DPP6: variants seen among roughly 807,000 people sequenced by gnomAD.
DPP6 encodes the protein A-type potassium channel modulatory protein DPP6.
DPP6 carries 69 observed loss-of-function variants against 122.6 expected under a neutral mutation model. The ratio of observed to expected loss-of-function variants is 0.56; its 90% CI spans 0.46 to 0.69. The LOEUF (loss-of-function observed/expected upper bound fraction) is 0.69. DPP6 is among the 30% of genes least tolerant of loss of function. DPP6 has a pLI of 0.00. For missense variants in DPP6, 928 were observed against 1,116.9 expected, an observed-to-expected ratio of 0.83 and a Z score of 2.41; for synonymous variants, 418 against 433.1, an observed-to-expected ratio of 0.97 and a Z score of 0.43.
chr7:153,875,121 A>G, the DPP6 span, among the ~76,000 whole-genome samples: 1 of 152,360 alleles, frequency 6.6e-6, no homozygotes, highest in South Asian at 2.1e-4. Context: ...AAGCAGTCAG[A>G]GACAAAACAT....
chr7:154,257,412 G>T (rs746926527), intron 1 of DPP6, among the ~76,000 whole-genome samples: 3 of 151,990 alleles, frequency 2.0e-5, no homozygotes, highest in South Asian at 2.1e-4. Context: ...ATTCAAAAGC[G>T]GTCTGGTGCG....
At position 154,574,885 on chromosome 7, in the gene DPP6, T is replaced by G. The variant is rs1439644798; in HGVS notation, c.627+7969T>G. Among the ~76,000 whole-genome samples the G allele has an allele frequency of 2.1e-5, 3 of 143,328 alleles. No homozygotes were observed. The South Asian group carries it at 6.9e-4, about 33-fold the overall frequency. The allele number at this position is 143,328 out of a possible 152,430, so 94.0% of individuals were successfully genotyped here. A position where few individuals can be genotyped will look rare whatever the true frequency, so the allele number is the denominator to read the frequency against. On this transcript the variant is annotated intron_variant, in intron 5 of 25. Transcript: ENST00000377770. ...TGTGTGTTTGTGTGTTGTGTGTGTG[T>G]GGTGTGTGTATATGTGTGGTGTGCG...
chr7:154,673,658 T>C (rs556823461), intron 7 of DPP6, among the ~76,000 whole-genome samples: 13 of 152,264 alleles, frequency 8.5e-5, no homozygotes, highest in African/African-American at 3.1e-4. Context: ...ATCTAGGAAA[T>C]AGACTTGGCC....
intron 1 of DPP6, among the ~76,000 whole-genome samples, chr7:154,168,486 C>T (rs1246771025): frequency 1.3e-5 from 2 of 152,192 alleles, no homozygotes; most frequent in Non-Finnish European, 2.9e-5. Flanking sequence ...CTCCTTTCCT[C>T]TGTGGAAGGG....
intron 8 of DPP6, among the ~76,000 whole-genome samples, chr7:154,757,996 C>T (rs994391616): frequency 1.3e-5 from 2 of 152,166 alleles, no homozygotes; most frequent in Non-Finnish European, 2.9e-5. Context: ...GCCGCCCTCT[C>T]CCGCCACGCA....
chr7:154,365,521 C>A (rs1485661081), intron 1 of DPP6, among the ~76,000 whole-genome samples: 1 of 152,182 alleles, frequency 6.6e-6, no homozygotes, highest in Admixed American at 6.5e-5. Flanking sequence ...GAACGTGTAA[C>A]TATGAGGTTC....
chr7:154,766,181 G>A (rs1449958642), intron 8 of DPP6, among the ~76,000 whole-genome samples: 42 of 152,152 alleles, frequency 2.8e-4, no homozygotes, highest in South Asian at 4.1e-4. Context: ...GCATTTTGGC[G>A]TGGCACAGGT....
chr7:154,395,707 C>CT (rs890360411), intron 1 of DPP6, among the ~76,000 whole-genome samples: 10 of 151,738 alleles, frequency 6.6e-5, no homozygotes, highest in African/African-American at 1.7e-4. Context: ...GATCATTTTA[C>CT]TTTTTTTTCT....
At chr7:153,905,688 G>T (rs549214336) in intron 1 of DPP6, among the ~76,000 whole-genome samples, 73 of 152,264 alleles carry the variant, frequency 4.8e-4, no homozygotes, top group African/African-American at 1.6e-3. Context: ...TGAAACCTGG[G>T]TATCTATAAC....
intron 1 of DPP6, among the ~76,000 whole-genome samples, chr7:153,933,466 G>T (rs1433343534): frequency 6.6e-6 from 1 of 152,152 alleles, no homozygotes; most frequent in African/African-American, 2.4e-5. Context: ...AGAATATTCT[G>T]TGTCTTTATC....
chr7:154,152,226 G>A (rs907744221), intron 1 of DPP6, among the ~76,000 whole-genome samples: 1 of 152,106 alleles, frequency 6.6e-6, no homozygotes, highest in Admixed American at 6.6e-5. Context: ...ATGGAAGAGA[G>A]CAGGTGAAGG....
chr7:154,167,980 A>G (rs1265576981), intron 1 of DPP6, among the ~76,000 whole-genome samples: 1 of 152,084 alleles, frequency 6.6e-6, no homozygotes, highest in African/African-American at 2.4e-5. Context: ...GCTTTCTGGG[A>G]CGCCATCCAA....
rs1334048930 is a variant in DPP6 at position 154,220,874 on chromosome 7, C to T, written c.243+167811C>T. On this transcript the variant is annotated intron_variant, in intron 1 of 25. Coordinates refer to ENST00000377770, the MANE Select transcript of DPP6 (RefSeq NM_130797.4). The stretch of plus-strand genomic sequence containing the variant: ...TTCACGAACAAGTTTTGCTGTGGCT[C>T]TTCTGGAGTTCCAGGGGCCCTTCTG... Among the ~76,000 whole-genome samples, 8 of 152,190 alleles carry T rather than the reference C, an allele frequency of 5.3e-5. 1 individual carries two copies. The highest frequency in any genetic ancestry group is 1.0e-4 in the Non-Finnish European group (7 of 68,032).
chr7:154,080,586 T>C (rs1489097236), intron 1 of DPP6, among the ~76,000 whole-genome samples: 3 of 152,184 alleles, frequency 2.0e-5, no homozygotes, highest in Non-Finnish European at 4.4e-5. Flanking sequence ...CTATGGTAGA[T>C]AAGCCTTGGG....
At chr7:154,879,333 C>CT (rs1805151910) in intron 20 of DPP6, among the ~76,000 whole-genome samples, 1 of 94,092 alleles carries the variant, frequency 1.1e-5, no homozygotes, top group East Asian at 1.0e-3. Context: ...GTAATCCCAG[C>CT]ACTTTGGGAG....
intron 5 of DPP6, chr7:154,587,802 T>G (rs764195815): frequency 1.9e-6 from 3 of 1,612,600 alleles, no homozygotes; most frequent in Non-Finnish European, 2.5e-6. Context: ...TGCGTGACTA[T>G]GTCTCGGCAG....
intron 1 of DPP6, among the ~76,000 whole-genome samples, chr7:153,941,068 A>G (rs1392370299): frequency 6.6e-6 from 1 of 152,194 alleles, no homozygotes; most frequent in Non-Finnish European, 1.5e-5. Context: ...TATACTGTGA[A>G]TGTTTAAAGT....
At chr7:154,045,934 A>C (rs553003110) in intron 1 of DPP6, among the ~76,000 whole-genome samples, 47 of 152,238 alleles carry the variant, frequency 3.1e-4, no homozygotes, top group Non-Finnish European at 6.2e-4. Context: ...TGCCTACAAG[A>C]AGCATGGACT....
intron 1 of DPP6, among the ~76,000 whole-genome samples, chr7:154,242,381 A>AGTGTGTGT (rs139152037): frequency 6.7e-6 from 1 of 150,192 alleles, no homozygotes; most frequent in African/African-American, 2.4e-5. Context: ...AGAGGCAATG[A>AGTGTGTGT]GTGTGTGTGT....
Sources: allele counts gnomAD v4.1 joint callset (sites outside exome capture counted in the v4.1 genomes callset), GRCh38; gene constraint gnomAD v4.1.1; transcripts MANE v1.5; gene names NCBI Gene and HGNC (gene_info 2026-07-23, HGNC 2026-07-21).